DLST: variants seen among roughly 807,000 people sequenced by gnomAD.
The protein encoded by DLST is dihydrolipoyllysine-residue succinyltransferase component of 2-oxoglutarate dehydrogenase complex, mitochondrial.
DLST carries 17 observed loss-of-function variants against 53.1 expected under a neutral mutation model. The ratio of observed to expected loss-of-function variants is 0.32; its 90% CI spans 0.22 to 0.48. The LOEUF (loss-of-function observed/expected upper bound fraction) is 0.48, where lower values mean the gene tolerates loss of function less well. Among genes scored for constraint, DLST ranks in the 20% least tolerant of loss-of-function variants. The pLI is 0.99. For missense variants in DLST, 512 were observed against 583.9 expected, an observed-to-expected ratio of 0.88 and a Z score of 1.27; for synonymous variants, 206 against 204.8, an observed-to-expected ratio of 1.01 and a Z score of -0.05.
chr14:74,902,003 A>G (rs1199838972), intron 14 of DLST, among the ~76,000 whole-genome samples, 193 bp from the exon 15 acceptor site: 1 of 152,180 alleles, frequency 6.6e-6, no homozygotes, highest in Non-Finnish European at 1.5e-5. Context: ...TTCTTGGCAA[A>G]CTTTGTTTCT....
intron 12 of DLST, 40 bp from the exon 13 acceptor site, chr14:74,900,249 T>C (rs1884200414): frequency 6.3e-7 from 1 of 1,581,176 alleles, no homozygotes. Flanking sequence ...TAAAAGGTAC[T>C]ATTAATTTGC....
At chr14:74,900,952 C>T (rs1884226682) in intron 13 of DLST, 114 bp from the exon 14 acceptor site, 1 of 1,215,944 alleles carries the variant, frequency 8.2e-7, no homozygotes, top group Non-Finnish European at 1.2e-6. Context: ...CCTTGAACTC[C>T]TGGCCTCAAG....
Position 74,898,435 on chromosome 14 carries a change from C to T in DLST, c.837C>T (p.Gly279=). Residue 279 remains glycine (G), a synonymous_variant, in exon 11 of 15, where the codon GGC becomes GGT. Transcript: ENST00000334220. ...TGAAGAAACATAACCTCAAACTAGG[C>T]TTCATGTCGGCATTTGTGAAGGCCT... ...AFLKKHNLKL[G]FMSAFVKASA... is the part of the protein sequence containing the mutation. 6.2e-7 allele frequency: 1 copy of T among 1,613,888 alleles called. No individual in the cohort carries two copies. Among genetic ancestry groups the T allele is most frequent in the Non-Finnish European group, 8.5e-7 (1 of 1,180,026 alleles).
At chr14:74,882,946 G>A (rs1883579427) in intron 2 of DLST, among the ~76,000 whole-genome samples, 1 of 152,214 alleles carries the variant, frequency 6.6e-6, no homozygotes, top group South Asian at 2.1e-4. Context: ...TTTTGTAACT[G>A]CTGAGAAGGA....
chr14:74,898,071 T>C (rs1322527738), intron 10 of DLST, among the ~76,000 whole-genome samples: 1 of 152,206 alleles, frequency 6.6e-6, no homozygotes, highest in Non-Finnish European at 1.5e-5. Context: ...GTTGGTGTGC[T>C]GTGTGATCTC....
At chr14:74,901,438 T>G (rs1420753615) in intron 14 of DLST, among the ~76,000 whole-genome samples, 1 of 152,192 alleles carries the variant, frequency 6.6e-6, no homozygotes, top group Non-Finnish European at 1.5e-5. Context: ...TTAGACCCCA[T>G]CCCAGACTTA....
In DLST at chr14:74,892,971, C is replaced by T. The variant is rs1173135093; in HGVS notation, c.580C>T (p.Pro194Ser). The T allele has an allele frequency of 1.2e-6, 2 of 1,611,616 alleles. No individual in the cohort carries two copies. Among genetic ancestry groups the T allele is most frequent in the Non-Finnish European group, 1.7e-6 (2 of 1,179,262 alleles). The stretch of plus-strand genomic sequence containing the variant: ...ACCGGTGCCCTCGCCCTCACAGCCT[C>T]CTTCTGGCAAACCTGGTAGGCTTCC... The part of the protein sequence containing the change: ...MPPVPSPSQP[P>S]SGKPVSAVKP... The change falls in exon 8 of 15, where the codon CCT becomes TCT. Residue 194 changes from proline (P) to serine (S), a missense_variant. Around this residue, in one of 4 missense-constraint regions of DLST, gnomAD observed 162 missense variants for 162.0 expected, o/e 1.00. Coordinates refer to ENST00000334220, the MANE Select transcript of DLST (RefSeq NM_001933.5).
intron 3 of DLST, among the ~76,000 whole-genome samples, chr14:74,888,132 CT>C (rs1883769796): frequency 6.6e-6 from 1 of 152,136 alleles, no homozygotes; most frequent in Non-Finnish European, 1.5e-5. Context: ...ATATTATTTA[CT>C]GTAAAGGCCA....
chr14:74,900,428 G>C lies in DLST; in HGVS notation c.1059+56G>C. 2.0e-6 allele frequency: 3 copies of C among 1,527,726 alleles called. 1 individual carries two copies. The South Asian group carries it at 3.4e-5, about 17-fold the overall frequency. 94.6% of individuals were successfully genotyped at this position (1,527,726 alleles called of 1,614,324 possible). On this transcript the variant is annotated intron_variant, in intron 13 of 14. Coordinates refer to ENST00000334220, the MANE Select transcript of DLST (RefSeq NM_001933.5). Reference sequence around the variant, plus strand: ...AGCAGGCGAGGGAAGAGAGCCTTCAGAAGGCTGGGCTCACTAGCAAGCAGT... The same window carrying C: ...AGCAGGCGAGGGAAGAGAGCCTTCACAAGGCTGGGCTCACTAGCAAGCAGT...
Position 74,891,778 on chromosome 14 carries a change from A to G in DLST, c.442+611A>G, listed in dbSNP as rs80097094. The G allele has an allele frequency of 4.1e-4, 408 of 985,156 alleles. 1 individual carries two copies. The African/African-American group carries it at 6.7e-3, about 16-fold the overall frequency. 61.0% of individuals were successfully genotyped at this position (985,156 alleles called of 1,614,324 possible). On this transcript the variant is annotated intron_variant, in intron 7 of 14. Transcript: ENST00000334220. ...TAAGCGAGAATCGTACCCGTAGACC[A>G]ACGAGTCACAGAAGTCTATTTCTTT...
chr14:74,885,843 T>G, intron 3 of DLST: 1 of 533,418 alleles, frequency 1.9e-6, no homozygotes, highest in Non-Finnish European at 3.3e-6. Flanking sequence ...GGACTGGGAG[T>G]GTGCCCACTC....
chr14:74,889,245 T>A, intron 4 of DLST, 30 bp from the exon 5 acceptor site: 3 of 1,609,232 alleles, frequency 1.9e-6, no homozygotes, highest in Non-Finnish European at 2.5e-6. Flanking sequence ...AATGAACTAC[T>A]TATGATTTTC....
intron 10 of DLST, among the ~76,000 whole-genome samples, chr14:74,894,821 A>T (rs955926339): frequency 6.6e-6 from 1 of 151,866 alleles, no homozygotes; most frequent in Non-Finnish European, 1.5e-5. Flanking sequence ...TGCTGGGATT[A>T]CAGGCGTGAG....
At chr14:74,898,807 G>A (rs917580465) in intron 11 of DLST, among the ~76,000 whole-genome samples, 2 of 152,098 alleles carry the variant, frequency 1.3e-5, no homozygotes, top group African/African-American at 4.8e-5. Flanking sequence ...CACGTGTTCT[G>A]GCTTCCTCCC....
rs556798845 is a variant in DLST at position 74,902,153 on chromosome 14, G to A, written c.1228-43G>A. 2.0e-6 allele frequency: 3 copies of A among 1,495,540 alleles called. No homozygotes were observed. The African/African-American group carries it at 4.2e-5, about 21-fold the overall frequency. 92.6% of individuals were successfully genotyped at this position (1,495,540 alleles called of 1,614,324 possible). On this transcript the variant is annotated intron_variant, in intron 14 of 14. Transcript: ENST00000334220. Reference sequence around the variant, plus strand: ...TAAATCTCCTTCAGCGAGGCTGGCTGTGGCTTGCTGGAGACAAACCTATTT... The same window carrying A: ...TAAATCTCCTTCAGCGAGGCTGGCTATGGCTTGCTGGAGACAAACCTATTT...
intron 13 of DLST, 85 bp downstream of exon 13, chr14:74,900,457 C>A: frequency 1.6e-6 from 2 of 1,231,178 alleles, no homozygotes; most frequent in Non-Finnish European, 2.4e-6. Flanking sequence ...AAGCAGTGCT[C>A]ATGGAAAGTC....
At chr14:74,899,837 ATTT>A in intron 11 of DLST, 83 bp from the exon 12 acceptor site, 1 of 1,092,256 alleles carries the variant, frequency 9.2e-7, no homozygotes, top group South Asian at 1.4e-5. Flanking sequence ...AGCTCTGCAG[ATTT>A]TTACTCTGTT....
chr14:74,891,788 A>G (rs1883916930), intron 7 of DLST: 5 of 985,370 alleles, frequency 5.1e-6, no homozygotes, highest in Non-Finnish European at 6.0e-6. Flanking sequence ...AACGAGTCAC[A>G]GAAGTCTATT....
chr14:74,881,920 C>T lies in DLST; in HGVS notation c.-34C>T. On this transcript the variant is annotated 5_prime_UTR_variant, in exon 1 of 15. Coordinates refer to ENST00000334220, the MANE Select transcript of DLST (RefSeq NM_001933.5). ...TTCCGGTTGTTGTCCGGCCCTATATCCGGTGTCCGCCCGCCCTCGGCTCCT... is the reference window on the plus strand; with the variant it reads ...TTCCGGTTGTTGTCCGGCCCTATATTCGGTGTCCGCCCGCCCTCGGCTCCT... 1 of 1,516,986 alleles carries T rather than the reference C, an allele frequency of 6.6e-7. No individual in the cohort carries two copies. Among genetic ancestry groups the T allele is most frequent in the African/African-American group, 1.4e-5 (1 of 71,132 alleles). The allele number at this position is 1,516,986 out of a possible 1,614,324, so 94.0% of individuals were successfully genotyped here. A position where few individuals can be genotyped will look rare whatever the true frequency, so the allele number is the denominator to read the frequency against.
Sources: allele counts gnomAD v4.1 joint callset (sites outside exome capture counted in the v4.1 genomes callset), GRCh38; gene constraint gnomAD v4.1.1; regional missense constraint gnomAD v4.1.1; transcripts MANE v1.5; gene names NCBI Gene and HGNC (gene_info 2026-07-23, HGNC 2026-07-21).